The following TNIK variants were observed in gnomAD, a reference collection of about 807,000 sequenced individuals.
TNIK encodes the protein TRAF2 and NCK interacting kinase, also known as TRAF2 and NCK-interacting protein kinase.
In TNIK, 49 loss-of-function variants were observed where a neutral mutation model predicts 191.3. The ratio of observed to expected loss-of-function variants is 0.26; its 90% CI spans 0.20 to 0.32. The LOEUF (loss-of-function observed/expected upper bound fraction) is 0.32. TNIK is among the 10% of genes least tolerant of loss of function. TNIK has a pLI of 1.00. For missense variants in TNIK, 1,155 were observed against 1,702.3 expected, an observed-to-expected ratio of 0.68 and a Z score of 5.66; for synonymous variants, 594 against 600.9, an observed-to-expected ratio of 0.99 and a Z score of 0.17.
chr3:171,076,933 A>G (rs986415066), intron 28 of TNIK, among the ~76,000 whole-genome samples: 3 of 151,714 alleles, frequency 2.0e-5, no homozygotes, highest in Non-Finnish European at 4.4e-5. Flanking sequence ...TCTTATGCAT[A>G]TGCACACACG....
intron 2 of TNIK, among the ~76,000 whole-genome samples, chr3:171,278,584 T>C (rs1750053207): frequency 6.6e-6 from 1 of 152,206 alleles, no homozygotes; most frequent in Admixed American, 6.5e-5. Flanking sequence ...TAAATTGCCA[T>C]ATAACCTGGA....
chr3:171,433,083 G>A (rs1286083297), intron 1 of TNIK, among the ~76,000 whole-genome samples: 1 of 152,128 alleles, frequency 6.6e-6, no homozygotes, highest in Non-Finnish European at 1.5e-5. Flanking sequence ...TCTTTTTTAT[G>A]TAATGGGGAC....
At chr3:171,276,568 T>C (rs1445069356) in intron 2 of TNIK, among the ~76,000 whole-genome samples, 3 of 152,206 alleles carry the variant, frequency 2.0e-5, no homozygotes, top group East Asian at 1.9e-4. Context: ...CCACTATAAA[T>C]AGGTCACAAA....
intron 2 of TNIK, among the ~76,000 whole-genome samples, chr3:171,350,312 C>T (rs768195236): frequency 3.3e-5 from 5 of 152,012 alleles, no homozygotes; most frequent in African/African-American, 9.7e-5. Context: ...GTAGCCAATC[C>T]GTATTTGTTG....
intron 5 of TNIK, among the ~76,000 whole-genome samples, chr3:171,191,641 G>A (rs1268063885): frequency 6.6e-6 from 1 of 152,168 alleles, no homozygotes; most frequent in Non-Finnish European, 1.5e-5. Flanking sequence ...AAGGAATACA[G>A]TTTCTATTTC....
At chr3:171,274,282 G>A (rs1177137781) in intron 2 of TNIK, among the ~76,000 whole-genome samples, 1 of 152,092 alleles carries the variant, frequency 6.6e-6, no homozygotes, top group African/African-American at 2.4e-5. Context: ...TGAAAAGCAA[G>A]GAACATCACA....
At chr3:171,179,981 A>G (rs549322258) in intron 7 of TNIK, among the ~76,000 whole-genome samples, 11 of 152,282 alleles carry the variant, frequency 7.2e-5, no homozygotes, top group Non-Finnish European at 2.9e-5. Flanking sequence ...GAGAGTTTCT[A>G]TAGCGTGAAA....
At position 171,282,334 on chromosome 3, in the gene TNIK, G is replaced by GTTTTTTTTTTTTTTTTTTTTTTT; in HGVS notation, c.124-54114_124-54113insAAAAAAAAAAAAAAAAAAAAAAA. On this transcript the variant is annotated intron_variant, in intron 2 of 32. Coordinates refer to ENST00000436636, the MANE Select transcript of TNIK (RefSeq NM_015028.4). ...GAACTATCTGCAGATTCTCTTAATG[G>GTTTTTTTTTTTTTTTTTTTTTTT]TTTTTTGTTTTTTTTTTTTTTTTTG... Among the ~76,000 whole-genome samples, 234 of 114,486 alleles carry GTTTTTTTTTTTTTTTTTTTTTTT rather than the reference G, an allele frequency of 2.0e-3. 28 individuals carry two copies. The highest frequency in any genetic ancestry group is 4.8e-3 in the Middle Eastern group (1 of 208). 75.1% of individuals were successfully genotyped at this position (114,486 alleles called of 152,430 possible). A position where few individuals can be genotyped will look rare whatever the true frequency, so the allele number is the denominator to read the frequency against.
intron 1 of TNIK, among the ~76,000 whole-genome samples, chr3:171,419,824 T>C (rs1577868555): frequency 1.3e-5 from 2 of 152,154 alleles, no homozygotes; most frequent in African/African-American, 2.4e-5. Flanking sequence ...GCCCATCTGT[T>C]TTTTGAACTG....
intron 25 of TNIK, 144 bp from the exon 26 acceptor site, chr3:171,084,469 T>A: frequency 1.2e-6 from 1 of 838,324 alleles, no homozygotes; most frequent in Non-Finnish European, 1.7e-6. Context: ...TATTTTACAC[T>A]TTTTTTTTGT....
At chr3:171,305,103 G>A (rs1347059933) in intron 2 of TNIK, among the ~76,000 whole-genome samples, 3 of 148,766 alleles carry the variant, frequency 2.0e-5, no homozygotes, top group Non-Finnish European at 4.4e-5. Context: ...AGCTTTAAGT[G>A]AGAAGGGTGC....
At chr3:171,067,284 AATATAT>A (rs560320094) in intron 30 of TNIK, among the ~76,000 whole-genome samples, 1 of 152,014 alleles carries the variant, frequency 6.6e-6, no homozygotes, top group African/African-American at 2.4e-5. Flanking sequence ...GTGAAAAAAA[AATATAT>A]ATATAGGATT....
intron 2 of TNIK, chr3:171,346,955 A>G (rs1577570466): frequency 1.9e-6 from 1 of 533,160 alleles, no homozygotes; most frequent in Non-Finnish European, 3.2e-6. Context: ...GCATTTTAAT[A>G]TGACTTTACT....
At chr3:171,178,495 C>A (rs558174922) in intron 7 of TNIK, among the ~76,000 whole-genome samples, 47 of 152,312 alleles carry the variant, frequency 3.1e-4, no homozygotes, top group African/African-American at 1.0e-3. Context: ...CTTTTATTCT[C>A]TGAACAGAAT....
chr3:171,385,109 C>T (rs941843283), intron 1 of TNIK, among the ~76,000 whole-genome samples: 22 of 152,084 alleles, frequency 1.4e-4, no homozygotes, highest in African/African-American at 4.3e-4. Context: ...GAGGTCAAAA[C>T]GGTACATTAA....
intron 18 of TNIK, among the ~76,000 whole-genome samples, chr3:171,118,475 T>C (rs1231747699): frequency 6.6e-6 from 1 of 152,136 alleles, no homozygotes; most frequent in Non-Finnish European, 1.5e-5. Context: ...GAGCTCACAT[T>C]GCCAAGTCAA....
Position 171,460,189 on chromosome 3 carries a change from C to G in TNIK, c.-126G>C, listed in dbSNP as rs1729311160. ...GCGCCAGAGGCCCCGGGCCCAGCCT[C>G]CCCCGCCCACCCCAGCCCCACAGCG... On this transcript the variant is annotated 5_prime_UTR_variant, in exon 1 of 33. Transcript: ENST00000436636. This position sits in a 1 kb window ranked among gnomAD's most constrained non-coding sequence, Gnocchi z 6.8. 1 of 1,179,590 alleles carries G rather than the reference C, an allele frequency of 8.5e-7. No individual in the cohort carries two copies. The allele number at this position is 1,179,590 out of a possible 1,614,324, so 73.1% of individuals were successfully genotyped here. A position where few individuals can be genotyped will look rare whatever the true frequency, so the allele number is the denominator to read the frequency against.
At chr3:171,318,953 C>A (rs752735487) in intron 2 of TNIK, among the ~76,000 whole-genome samples, 1 of 152,038 alleles carries the variant, frequency 6.6e-6, no homozygotes, top group Admixed American at 6.6e-5. Flanking sequence ...TCACTTGAGG[C>A]CAGGAGTTCA....
At chr3:171,377,527 G>C (rs992912616) in intron 1 of TNIK, among the ~76,000 whole-genome samples, 2 of 152,200 alleles carry the variant, frequency 1.3e-5, no homozygotes, top group African/African-American at 4.8e-5. Flanking sequence ...CATTATCGTT[G>C]TCATTGGGAT....
Sources: gnomAD v4.1 joint callset for allele counts (sites outside exome capture counted in the v4.1 genomes callset) on GRCh38, gnomAD v4.1.1 for gene constraint, Gnocchi (gnomAD v3.1) non-coding constraint, MANE v1.5 for transcripts, NCBI Gene and HGNC (gene_info 2026-07-23, HGNC 2026-07-21) for gene names.